ZNF385D: variants seen among roughly 807,000 people sequenced by gnomAD.
ZNF385D encodes the protein zinc finger protein 659.
Under a neutral mutation model 35.8 loss-of-function variants are expected in ZNF385D, and 15 were observed. The ratio of observed to expected loss-of-function variants is 0.42; its 90% confidence interval spans 0.28 to 0.64. The LOEUF is 0.64. Among genes scored for constraint, ZNF385D ranks in the 30% least tolerant of loss-of-function variants. The probability of loss-of-function intolerance (pLI) is 0.23; values close to 1 mark genes in which losing one functional copy is unlikely to be tolerated. For synonymous variants in ZNF385D, 212 were observed against 186.8 expected, an observed-to-expected ratio of 1.13 and a Z score of -1.10; for missense variants, 474 against 494.6, an observed-to-expected ratio of 0.96 and a Z score of 0.39.
chr3:21,581,947 CCTTT>C (rs2063681074), intron 2 of ZNF385D, among the ~76,000 whole-genome samples: 1 of 152,080 alleles, frequency 6.6e-6, no homozygotes, highest in Non-Finnish European at 1.5e-5. Flanking sequence ...AATAGAATCA[CCTTT>C]CTTAGATTAA....
At chr3:21,542,178 T>C (rs1230669927) in intron 3 of ZNF385D, among the ~76,000 whole-genome samples, 1 of 152,212 alleles carries the variant, frequency 6.6e-6, no homozygotes, top group East Asian at 1.9e-4. Flanking sequence ...TAAAAATATG[T>C]GAATTTTCAT....
At chr3:22,081,387 A>C (rs1224396599) in intron 3 of ZNF385D, among the ~76,000 whole-genome samples, 1 of 152,226 alleles carries the variant, frequency 6.6e-6, no homozygotes, top group Non-Finnish European at 1.5e-5. Context: ...CCTAAAAAAG[A>C]TCCAAATTAT....
In ZNF385D at chr3:22,029,153, T is replaced by C. The variant is rs531190100; in HGVS notation, c.325+139664A>G. On this transcript the variant is annotated intron_variant, in intron 3 of 5. Coordinates refer to the ZNF385D transcript ENST00000494108. ...AATTCCATTAAACTGGAAGTTATGA[T>C]CGCCACCTGGACACTTTGTGCTCCT... Among the ~76,000 whole-genome samples, 20 of 152,306 alleles carry C rather than the reference T, an allele frequency of 1.3e-4. No homozygotes were observed. The South Asian group carries it at 3.9e-3, about 30-fold the overall frequency.
chr3:21,931,445 T>C (rs1416726751), intron 3 of ZNF385D, among the ~76,000 whole-genome samples: 1 of 152,158 alleles, frequency 6.6e-6, no homozygotes, highest in Non-Finnish European at 1.5e-5. Flanking sequence ...TTCCTAGATA[T>C]TTACTTAAAT....
chr3:21,834,567 G>A (rs1695204833), intron 3 of ZNF385D, among the ~76,000 whole-genome samples: 1 of 152,138 alleles, frequency 6.6e-6, no homozygotes, highest in Non-Finnish European at 1.5e-5. Context: ...ATAACACTGA[G>A]CCTTACCCTA....
chr3:21,661,838 G>A (rs2066246066), intron 2 of ZNF385D, among the ~76,000 whole-genome samples: 1 of 152,000 alleles, frequency 6.6e-6, no homozygotes, highest in South Asian at 2.1e-4. Flanking sequence ...TCCTAACTAT[G>A]CTTACTTTTA....
At chr3:22,083,435 T>C (rs1409285646) in intron 3 of ZNF385D, among the ~76,000 whole-genome samples, 3 of 152,110 alleles carry the variant, frequency 2.0e-5, no homozygotes, top group Admixed American at 2.0e-4. Flanking sequence ...ACGTGAAGCA[T>C]GCACAAGCTT....
chr3:21,802,946 A>G (rs2072473084), intron 3 of ZNF385D, among the ~76,000 whole-genome samples: 1 of 152,188 alleles, frequency 6.6e-6, no homozygotes, highest in Non-Finnish European at 1.5e-5. Flanking sequence ...AAGTAGGACA[A>G]GGAATGGGGA....
At chr3:22,283,091 G>A (rs1236726999) in intron 2 of ZNF385D, among the ~76,000 whole-genome samples, 1 of 151,850 alleles carries the variant, frequency 6.6e-6, no homozygotes, top group East Asian at 1.9e-4. Flanking sequence ...GACAAAGAGG[G>A]ACCTTATATA....
chr3:22,050,197 T>A (rs1008962246), intron 3 of ZNF385D, among the ~76,000 whole-genome samples: 1 of 150,680 alleles, frequency 6.6e-6, no homozygotes, highest in African/African-American at 2.4e-5. Context: ...AAGATTGGGT[T>A]TAAAAAAAAA....
At chr3:22,356,078 A>T (rs1023294414) in intron 2 of ZNF385D, among the ~76,000 whole-genome samples, 2 of 152,014 alleles carry the variant, frequency 1.3e-5, no homozygotes, top group African/African-American at 4.8e-5. Flanking sequence ...GTGTAGGTAT[A>T]TGAGTCTATG....
At chr3:22,341,186 ATAT>A (rs1464100548) in intron 2 of ZNF385D, among the ~76,000 whole-genome samples, 1 of 152,218 alleles carries the variant, frequency 6.6e-6, no homozygotes, top group African/African-American at 2.4e-5. Flanking sequence ...CGAGTAGATT[ATAT>A]TATTACCAAT....
chr3:22,235,837 T>C (rs1049149678), intron 2 of ZNF385D, among the ~76,000 whole-genome samples: 1 of 152,086 alleles, frequency 6.6e-6, no homozygotes, highest in African/African-American at 2.4e-5. Context: ...TTTTGAAGGG[T>C]AATATAAAAA....
chr3:21,610,956 T>C (rs2064658824), intron 2 of ZNF385D, among the ~76,000 whole-genome samples: 1 of 152,166 alleles, frequency 6.6e-6, no homozygotes, highest in African/African-American at 2.4e-5. Context: ...CCGTGGACTG[T>C]TGAACTAGGA....
chr3:22,007,340 T>C (rs1696273677), intron 3 of ZNF385D, among the ~76,000 whole-genome samples: 1 of 152,236 alleles, frequency 6.6e-6, no homozygotes, highest in South Asian at 2.1e-4. Flanking sequence ...TTTTTAACAT[T>C]GGAATAACAG....
chr3:22,338,902 T>C (rs954351853), intron 2 of ZNF385D, among the ~76,000 whole-genome samples: 1 of 152,032 alleles, frequency 6.6e-6, no homozygotes, highest in African/African-American at 2.4e-5. Context: ...AGTTTCACCA[T>C]GTTGGCCAGG....
intron 2 of ZNF385D, among the ~76,000 whole-genome samples, chr3:21,586,798 T>G (rs540031981): frequency 1.1e-4 from 17 of 152,048 alleles, no homozygotes; most frequent in Non-Finnish European, 2.2e-4. Context: ...CTTCAGAAAA[T>G]AACCCAGAGT....
rs369653068 is a variant in ZNF385D at position 22,237,424 on chromosome 3, T to C, written c.107-68389A>G. On this transcript the variant is annotated intron_variant, in intron 2 of 5. Transcript: ENST00000494108. ...CTAGATACTAGACTCTTACTACATA[T>C]ATGATTTGCAAATATTTTCTCCCAT... 2.6e-4 allele frequency among the ~76,000 whole-genome samples: 39 copies of C among 152,276 alleles called. No individual in the cohort carries two copies. The East Asian group carries it at 6.0e-3, about 23-fold the overall frequency.
At chr3:21,468,255 A>C (rs2125332814) in intron 4 of ZNF385D, among the ~76,000 whole-genome samples, 1 of 151,722 alleles carries the variant, frequency 6.6e-6, no homozygotes, top group Non-Finnish European at 1.5e-5. Context: ...TACAAAAATT[A>C]GCCAACTGTG....
Sources: gnomAD v4.1 joint callset for allele counts (sites outside exome capture counted in the v4.1 genomes callset) on GRCh38, gnomAD v4.1.1 for gene constraint, MANE v1.5 for transcripts, NCBI Gene and HGNC (gene_info 2026-07-23, HGNC 2026-07-21) for gene names.